MFGE8: variants seen among roughly 807,000 people sequenced by gnomAD.
MFGE8 encodes the protein lactadherin.
MFGE8 carries 34 observed loss-of-function variants against 42.6 expected under a neutral mutation model. The ratio of observed to expected loss-of-function variants is 0.80; its 90% CI spans 0.61 to 1.06. MFGE8 has a LOEUF of 1.06. MFGE8 is among the 50% of genes least tolerant of loss of function. The probability of loss-of-function intolerance (pLI) is 0.00; values close to 1 mark genes in which losing one functional copy is unlikely to be tolerated. For missense variants in MFGE8, 510 were observed against 516.9 expected (o/e 0.99, Z 0.13); for synonymous variants, 230 against 214.8 (o/e 1.07, Z -0.62).
chr15:88,901,747 G>A lies in MFGE8; in HGVS notation c.686-12C>T, dbSNP rs1301725497. On this transcript the variant is annotated splice_polypyrimidine_tract_variant and intron_variant, in intron 5 of 7. Coordinates refer to ENST00000268150, the MANE Select transcript of MFGE8 (RefSeq NM_005928.4). ...GGGATTGGCGCATCCTGCCAGCAAGGTGGGCTGTCATCTGGATCTGGGATC... is the reference window on the plus strand; with the variant it reads ...GGGATTGGCGCATCCTGCCAGCAAGATGGGCTGTCATCTGGATCTGGGATC... 2.5e-6 allele frequency: 4 copies of A among 1,613,900 alleles called. No individual in the cohort carries two copies. The highest frequency in any genetic ancestry group is 3.4e-6 in the Non-Finnish European group (4 of 1,179,958).
At chr15:88,909,610 T>TC (rs1457696229) in intron 2 of MFGE8, among the ~76,000 whole-genome samples, 182 bp downstream of exon 2, 1 of 152,080 alleles carries the variant, frequency 6.6e-6, no homozygotes, top group Non-Finnish European at 1.5e-5. Context: ...AGGACCCTTT[T>TC]CCCCCCTCGG....
rs1312581575 is a variant in MFGE8, at chr15:88,912,639, G to A, written c.73+608C>T. The A allele has an allele frequency of 1.0e-5, 10 of 985,214 alleles. No homozygotes were observed. In the African/African-American group the frequency reaches 1.7e-4, roughly 17 times the overall value. The allele number at this position is 985,214 out of a possible 1,614,324, so 61.0% of individuals were successfully genotyped here. On this transcript the variant is annotated intron_variant, in intron 1 of 7. Transcript: ENST00000268150. ...AGCCGGCCAAGGCCGCGGGAGGGAG[G>A]GAGTCAGGAGACTCCCATCAGCAGG...
Position 88,901,173 on chromosome 15 carries a change from T to TCA in MFGE8, c.870+377_870+378insTG, listed in dbSNP as rs1898378433. 2.5e-5 allele frequency among the ~76,000 whole-genome samples: 2 copies of TCA among 78,872 alleles called. 1 individual carries two copies. Among genetic ancestry groups the TCA allele is most frequent in the Non-Finnish European group, 5.2e-5 (2 of 38,442 alleles). The allele number at this position is 78,872 out of a possible 152,430, so 51.7% of individuals were successfully genotyped here. A position where few individuals can be genotyped will look rare whatever the true frequency, so the allele number is the denominator to read the frequency against. The stretch of plus-strand genomic sequence containing the variant: ...TTCTCACACACACATTCACACACAT[T>TCA]CTCACACATTCACACACACATTCAC... On this transcript the variant is annotated intron_variant, in intron 6 of 7. Transcript: ENST00000268150.
intron 6 of MFGE8, among the ~76,000 whole-genome samples, chr15:88,900,989 TCACACACACACATTCACA>T (rs1444475845): frequency 1.3e-5 from 1 of 78,478 alleles, no homozygotes; most frequent in Non-Finnish European, 3.2e-5. Flanking sequence ...ACACACACAT[TCACACACACACATTCACA>T]CACACACACA....
At chr15:88,901,508 T>TGCCCCC in intron 6 of MFGE8, 43 bp downstream of exon 6, 6 of 924,200 alleles carry the variant, frequency 6.5e-6, no homozygotes, top group Middle Eastern at 2.8e-4. Context: ...TCCCACCTCA[T>TGCCCCC]CCCACCCAAC....
rs1378585380 is a variant in MFGE8 at position 88,905,310 on chromosome 15, C to T, written c.685+447G>A. The T allele has an allele frequency of 2.7e-6, 1 of 367,340 alleles. No homozygotes were observed. Among genetic ancestry groups the T allele is most frequent in the Non-Finnish European group, 5.3e-6 (1 of 187,282 alleles). 22.8% of individuals were successfully genotyped at this position (367,340 alleles called of 1,614,324 possible). A position where few individuals can be genotyped will look rare whatever the true frequency, so the allele number is the denominator to read the frequency against. On this transcript the variant is annotated intron_variant, in intron 5 of 7. Transcript: ENST00000268150. The surrounding 1 kb of genome is among the most constrained non-coding windows in gnomAD (Gnocchi z 6.6). Reference sequence around the variant, plus strand: ...AAATCATTCATCGGGGCCCCACGCCCCTCATTCATTCATTCGCTCATTCAT... The same window carrying T: ...AAATCATTCATCGGGGCCCCACGCCTCTCATTCATTCATTCGCTCATTCAT...
intron 2 of MFGE8, among the ~76,000 whole-genome samples, chr15:88,907,708 C>CCG (rs1898761528): frequency 6.6e-6 from 1 of 150,710 alleles, no homozygotes; most frequent in Admixed American, 6.6e-5. Flanking sequence ...AAGTAGAGTC[C>CCG]CCCCCGCCAG....
At position 88,906,800 on chromosome 15, in the gene MFGE8, T is replaced by C. The variant is rs1898703764; in HGVS notation, c.388-22A>G. The C allele has an allele frequency of 6.2e-7, 1 of 1,612,122 alleles. No individual in the cohort carries two copies. Among genetic ancestry groups the C allele is most frequent in the Non-Finnish European group, 8.5e-7 (1 of 1,179,774 alleles). On this transcript the variant is annotated intron_variant, in intron 3 of 7. Transcript: ENST00000268150. The surrounding 1 kb of genome is among the most constrained non-coding windows in gnomAD (Gnocchi z 4.2). ...TCACCTGGACACAGGGCAGGGGAGA[T>C]GGCACCCTTATCTCCTGGGTTCTTT...
intron 1 of MFGE8, chr15:88,912,099 G>A (rs1403137114): frequency 7.8e-7 from 1 of 1,288,558 alleles, no homozygotes; most frequent in Admixed American, 2.3e-5. Context: ...GAAAGGGAAA[G>A]GTGTACTCTA....
Position 88,906,922 on chromosome 15 carries a change from G to A in MFGE8, c.388-144C>T, listed in dbSNP as rs1457594810. 1.8e-5 allele frequency: 19 copies of A among 1,077,814 alleles called. No homozygotes were observed. Among genetic ancestry groups the A allele is most frequent in the Admixed American group, 4.1e-5 (2 of 48,778 alleles). The allele number at this position is 1,077,814 out of a possible 1,614,324, so 66.8% of individuals were successfully genotyped here. The stretch of plus-strand genomic sequence containing the variant: ...GGAGGGGTAGCTGAGCACACTGCCC[G>A]CACAAAGGGCTTTCTTCTTCTGCCC... On this transcript the variant is annotated intron_variant, in intron 3 of 7. Transcript: ENST00000268150. This position sits in a 1 kb window ranked among gnomAD's most constrained non-coding sequence, Gnocchi z 4.2.
At chr15:88,908,487 T>C (rs1370206385) in intron 2 of MFGE8, among the ~76,000 whole-genome samples, 3 of 152,182 alleles carry the variant, frequency 2.0e-5, no homozygotes, top group African/African-American at 7.2e-5. Context: ...CAAGGAAACA[T>C]ACCACGTAAA....
At chr15:88,908,038 C>T (rs781371877) in intron 2 of MFGE8, among the ~76,000 whole-genome samples, 3 of 152,186 alleles carry the variant, frequency 2.0e-5, no homozygotes, top group Admixed American at 6.5e-5. Flanking sequence ...TCCCTCTTTA[C>T]GCCTTCCACC....
chr15:88,912,872 T>C (rs1046064452), intron 1 of MFGE8: 20 of 985,282 alleles, frequency 2.0e-5, no homozygotes, highest in Non-Finnish European at 2.4e-5. Context: ...TTATCCATAC[T>C]AGAGTCCTAG....
rs1183246866 is a variant in MFGE8 at position 88,903,064 on chromosome 15, G to A, written c.686-1329C>T. 2 of 152,242 alleles carry A rather than the reference G, an allele frequency of 1.3e-5. No homozygotes were observed. Among genetic ancestry groups the A allele is most frequent in the African/African-American group, 4.8e-5 (2 of 41,446 alleles). The allele number at this position is 152,242 out of a possible 1,614,324, so 9.4% of individuals were successfully genotyped here. On this transcript the variant is annotated intron_variant, in intron 5 of 7. Coordinates refer to ENST00000268150, the MANE Select transcript of MFGE8 (RefSeq NM_005928.4). This position sits in a 1 kb window ranked among gnomAD's most constrained non-coding sequence, Gnocchi z 4.9. ...CCACCACCTTCCCCCTCAAAGAGAG[G>A]CTCCCGGGCTGAGAGCTGGTTGTCC...
chr15:88,912,315 C>T (rs560219189), intron 1 of MFGE8: 11 of 1,272,164 alleles, frequency 8.6e-6, no homozygotes, highest in African/African-American at 3.1e-5. Flanking sequence ...TCATGGTGGC[C>T]GGGGAGGGCC....
chr15:88,910,188 A>G (rs557298596), intron 1 of MFGE8: 110 of 414,772 alleles, frequency 2.7e-4, no homozygotes, highest in African/African-American at 2.0e-3. Flanking sequence ...CTGGCTGACA[A>G]TGGCAGTGGT....
chr15:88,902,046 C>CTGACTTTG lies in MFGE8; in HGVS notation c.686-319_686-312dup, dbSNP rs1485166924. The CTGACTTTG allele has an allele frequency of 2.5e-6, 1 of 405,866 alleles. No individual in the cohort carries two copies. The highest frequency in any genetic ancestry group is 3.6e-5 in the Admixed American group (1 of 27,896). 25.1% of individuals were successfully genotyped at this position (405,866 alleles called of 1,614,324 possible). On this transcript the variant is annotated intron_variant, in intron 5 of 7. Coordinates refer to ENST00000268150, the MANE Select transcript of MFGE8 (RefSeq NM_005928.4). The surrounding 1 kb of genome is among the most constrained non-coding windows in gnomAD (Gnocchi z 4.3). ...ACCACCTCCTGCCCTCCTTCAATGC[C>CTGACTTTG]TGACTTTGGAGACACCTCCTCCAAG...
chr15:88,899,255 G>C lies in MFGE8; in HGVS notation c.*140C>G. 1 of 1,143,372 alleles carries C rather than the reference G, an allele frequency of 8.7e-7. No homozygotes were observed. Among genetic ancestry groups the C allele is most frequent in the East Asian group, 2.6e-5 (1 of 39,154 alleles). The allele number at this position is 1,143,372 out of a possible 1,614,324, so 70.8% of individuals were successfully genotyped here. ...GTGGAGGGTGGGAAAGAGGGAGGGA[G>C]GGGTGACTGTGTGGTGGTGCTGCCT... On this transcript the variant is annotated 3_prime_UTR_variant, in exon 8 of 8. Transcript: ENST00000268150. This position sits in a 1 kb window ranked among gnomAD's most constrained non-coding sequence, Gnocchi z 6.8.
Position 88,905,423 on chromosome 15 carries a change from C to T in MFGE8, c.685+334G>A, listed in dbSNP as rs1287021657. 20 of 516,188 alleles carry T rather than the reference C, an allele frequency of 3.9e-5. No individual in the cohort carries two copies. The highest frequency in any genetic ancestry group is 5.6e-5 in the Non-Finnish European group (15 of 267,450). 32.0% of individuals were successfully genotyped at this position (516,188 alleles called of 1,614,324 possible). A position where few individuals can be genotyped will look rare whatever the true frequency, so the allele number is the denominator to read the frequency against. ...ACAAAACAGACAGATTCTCTGCCCTCGTAAAGCTGACATCTGCCAAACACA... is the reference window on the plus strand; with the variant it reads ...ACAAAACAGACAGATTCTCTGCCCTTGTAAAGCTGACATCTGCCAAACACA... On this transcript the variant is annotated intron_variant, in intron 5 of 7. Transcript: ENST00000268150. This position sits in a 1 kb window ranked among gnomAD's most constrained non-coding sequence, Gnocchi z 6.6.
Sources: gnomAD v4.1 joint callset for allele counts (sites outside exome capture counted in the v4.1 genomes callset) on GRCh38, gnomAD v4.1.1 for gene constraint, Gnocchi (gnomAD v3.1) non-coding constraint, MANE v1.5 for transcripts, NCBI Gene and HGNC (gene_info 2026-07-23, HGNC 2026-07-21) for gene names.